The following ADAMTS3 variants were observed in gnomAD, a reference collection of about 807,000 sequenced individuals.
ADAMTS3 encodes ADAM metallopeptidase with thrombospondin type 1 motif 3.
Under a neutral mutation model 129.0 loss-of-function variants are expected in ADAMTS3, and 73 were observed. The observed-to-expected ratio is 0.57, with a 90% CI of 0.47 to 0.69. ADAMTS3 has a LOEUF of 0.69. Among genes scored for constraint, ADAMTS3 ranks in the 30% least tolerant of loss-of-function variants. ADAMTS3 has a pLI of 0.00. For missense variants in ADAMTS3, 1,457 were observed against 1,514.5 expected, an observed-to-expected ratio of 0.96 and a Z score of 0.63; for synonymous variants, 477 against 510.8, an observed-to-expected ratio of 0.93 and a Z score of 0.89.
At chr4:72,475,553 C>T (rs889492137) in intron 3 of ADAMTS3, among the ~76,000 whole-genome samples, 1 of 151,894 alleles carries the variant, frequency 6.6e-6, no homozygotes, top group South Asian at 2.1e-4. Flanking sequence ...AACAAATCCA[C>T]AATTACAGTT....
At chr4:72,342,520 T>C (rs554388507) in intron 4 of ADAMTS3, among the ~76,000 whole-genome samples, 1 of 152,064 alleles carries the variant, frequency 6.6e-6, no homozygotes, top group East Asian at 1.9e-4. Flanking sequence ...CACACCACCA[T>C]GCCCAGCTAA....
chr4:72,464,478 T>C (rs533701868), intron 3 of ADAMTS3, among the ~76,000 whole-genome samples: 24 of 152,010 alleles, frequency 1.6e-4, no homozygotes, highest in Non-Finnish European at 3.5e-4. Context: ...CAGGGCTAAA[T>C]TGTGAAATCT....
Position 72,350,282 on chromosome 4 carries a change from C to T in ADAMTS3, c.662-10589G>A, listed in dbSNP as rs777649973. 6.2e-4 allele frequency among the ~76,000 whole-genome samples: 94 copies of T among 151,950 alleles called. 1 individual carries two copies. The highest frequency in any genetic ancestry group is 1.8e-3 in the Admixed American group (27 of 15,226). ...TGTAATATATTCTCTGAAATAGTATCGACCATATGGATGGAAAATAATGGG... is the reference window on the plus strand; with the variant it reads ...TGTAATATATTCTCTGAAATAGTATTGACCATATGGATGGAAAATAATGGG... On this transcript the variant is annotated intron_variant, in intron 4 of 21. Transcript: ENST00000286657.
At chr4:72,291,712 C>A (rs537092610) in intron 19 of ADAMTS3, among the ~76,000 whole-genome samples, 2 of 150,338 alleles carry the variant, frequency 1.3e-5, no homozygotes, top group African/African-American at 2.5e-5. Flanking sequence ...AATAAACATA[C>A]GTGTGCATGT....
At chr4:72,337,324 A>T (rs1007934504) in intron 5 of ADAMTS3, among the ~76,000 whole-genome samples, 3 of 152,190 alleles carry the variant, frequency 2.0e-5, no homozygotes, top group African/African-American at 7.2e-5. Flanking sequence ...ACTGTTTTTA[A>T]AACATAAAAT....
Position 72,293,908 on chromosome 4 carries a change from T to C in ADAMTS3, c.2723+1746A>G, listed in dbSNP as rs560942493. ...AAAATCAAATGCCTTGAAAAAGAAA[T>C]ACTTGAATAGATCTCTTGAATATTA... is the stretch of plus-strand genomic sequence containing the variant. On this transcript the variant is annotated intron_variant, in intron 19 of 21. Transcript: ENST00000286657. Among the ~76,000 whole-genome samples the C allele has an allele frequency of 2.0e-5, 3 of 152,104 alleles. 1 individual carries two copies. In the South Asian group the frequency reaches 6.2e-4, roughly 32 times the overall value.
At chr4:72,520,829 G>T (rs188312890) in intron 3 of ADAMTS3, among the ~76,000 whole-genome samples, 1 of 151,932 alleles carries the variant, frequency 6.6e-6, no homozygotes. Context: ...TTCGGCTCGC[G>T]CATGATGTGC....
intron 3 of ADAMTS3, among the ~76,000 whole-genome samples, chr4:72,438,902 CACTA>C (rs1287683380): frequency 1.3e-5 from 2 of 151,712 alleles, no homozygotes; most frequent in African/African-American, 2.4e-5. Context: ...CCATAACATC[CACTA>C]ACTATTACTG....
chr4:72,420,551 G>A (rs1023450978), intron 3 of ADAMTS3, among the ~76,000 whole-genome samples: 15 of 152,080 alleles, frequency 9.9e-5, no homozygotes, highest in South Asian at 2.1e-4. Context: ...CGACACACTC[G>A]ATCACTTAAC....
In ADAMTS3 at chr4:72,530,202, CAT is replaced by C. The variant is rs1203538446; in HGVS notation, c.504+18274_504+18275del. On this transcript the variant is annotated intron_variant, in intron 3 of 21. Coordinates refer to ENST00000286657, the MANE Select transcript of ADAMTS3 (RefSeq NM_014243.3). ...ATATTTATATTATATATTAAATTAA[CAT>C]ATGTTATTTTAATATATATATATTA... is the stretch of plus-strand genomic sequence containing the variant. 8.9e-3 allele frequency among the ~76,000 whole-genome samples: 426 copies of C among 47,844 alleles called. 8 individuals carry two copies. Among genetic ancestry groups the C allele is most frequent in the African/African-American group, 0.026 (352 of 13,378 alleles). The allele number at this position is 47,844 out of a possible 152,430, so 31.4% of individuals were successfully genotyped here. A position where few individuals can be genotyped will look rare whatever the true frequency, so the allele number is the denominator to read the frequency against.
At chr4:72,431,740 A>C (rs2109947011) in intron 3 of ADAMTS3, among the ~76,000 whole-genome samples, 1 of 152,106 alleles carries the variant, frequency 6.6e-6, no homozygotes, top group South Asian at 2.1e-4. Context: ...CATAGTGATA[A>C]GTATCATGAA....
chr4:72,554,959 T>A (rs1370858026), intron 2 of ADAMTS3, among the ~76,000 whole-genome samples: 1 of 151,838 alleles, frequency 6.6e-6, no homozygotes, highest in Non-Finnish European at 1.5e-5. Flanking sequence ...AAAATTTAAA[T>A]GAGCTAATCA....
chr4:72,540,406 G>C (rs1176071310), intron 3 of ADAMTS3, among the ~76,000 whole-genome samples: 1 of 152,216 alleles, frequency 6.6e-6, no homozygotes, highest in East Asian at 1.9e-4. Context: ...AAGGTAAGCA[G>C]AGCATAGAAG....
chr4:72,362,804 A>G (rs1450906288), intron 4 of ADAMTS3, among the ~76,000 whole-genome samples: 5 of 152,162 alleles, frequency 3.3e-5, no homozygotes, highest in African/African-American at 1.2e-4. Context: ...CACTGGGCCT[A>G]AAGTAGTAAA....
rs1410587094 is a variant in ADAMTS3, at chr4:72,298,410, G to A, written c.2457C>T (p.Ser819=). 6.2e-7 allele frequency: 1 copy of A among 1,608,412 alleles called. No homozygotes were observed. The highest frequency in any genetic ancestry group is 8.5e-7 in the Non-Finnish European group (1 of 1,176,400). ...CATGGATGATGTACTTATATGTCAGGCTAGAGCGGGTATCATTTTCTTGAG... is the reference window on the plus strand; with the variant it reads ...CATGGATGATGTACTTATATGTCAGACTAGAGCGGGTATCATTTTCTTGAG... The part of the protein sequence containing the change: ...IIPQENDTRS[S]LTYKYIIHED... Residue 819 remains serine (S), a synonymous_variant, in exon 18 of 22, where the codon AGC becomes AGT. Transcript: ENST00000286657.
chr4:72,442,563 A>C (rs1718146154), intron 3 of ADAMTS3, among the ~76,000 whole-genome samples: 1 of 151,700 alleles, frequency 6.6e-6, no homozygotes, highest in African/African-American at 2.4e-5. Flanking sequence ...GCCATTCAAG[A>C]AGGGTCCACC....
chr4:72,360,600 A>G (rs2095201617), intron 4 of ADAMTS3, among the ~76,000 whole-genome samples: 1 of 152,136 alleles, frequency 6.6e-6, no homozygotes, highest in Non-Finnish European at 1.5e-5. Flanking sequence ...ATTGCCAGTG[A>G]TTTCTGTGTT....
intron 3 of ADAMTS3, among the ~76,000 whole-genome samples, chr4:72,539,879 C>A (rs1349668737): frequency 6.6e-6 from 1 of 152,202 alleles, no homozygotes; most frequent in Non-Finnish European, 1.5e-5. Context: ...CCACATGGAA[C>A]TGTGAGTCCA....
chr4:72,425,013 C>G (rs1254136444), intron 3 of ADAMTS3, among the ~76,000 whole-genome samples: 1 of 152,014 alleles, frequency 6.6e-6, no homozygotes, highest in Non-Finnish European at 1.5e-5. Flanking sequence ...TGTTGAATGA[C>G]ATATAAGTCC....
Sources: allele counts gnomAD v4.1 joint callset (sites outside exome capture counted in the v4.1 genomes callset), GRCh38; gene constraint gnomAD v4.1.1; transcripts MANE v1.5; gene names NCBI Gene and HGNC (gene_info 2026-07-23, HGNC 2026-07-21).